The following RETREG1 variants were observed in gnomAD, a reference collection of about 807,000 sequenced individuals.
RETREG1 encodes the protein reticulophagy regulator 1, also known as family with sequence similarity 134 member B.
Under a neutral mutation model 54.8 loss-of-function variants are expected in RETREG1, and 44 were observed. The ratio of observed to expected loss-of-function variants is 0.80; its 90% CI spans 0.63 to 1.03. RETREG1 has a LOEUF of 1.03. Ranked by LOEUF, RETREG1 falls within the 50% of genes least tolerant of loss-of-function variation. The pLI is 0.00. For missense variants in RETREG1, 554 were observed against 605.1 expected, an observed-to-expected ratio of 0.92 and a Z score of 0.89; for synonymous variants, 217 against 238.5, an observed-to-expected ratio of 0.91 and a Z score of 0.83.
intron 8 of RETREG1, 42 bp downstream of exon 8, chr5:16,477,620 A>G (rs1738591338): frequency 1.9e-6 from 3 of 1,586,244 alleles, no homozygotes; most frequent in Non-Finnish European, 2.6e-6. Flanking sequence ...ATAGTTTTGT[A>G]TGCACTCATA....
chr5:16,615,412 A>AAAAAG (rs1554026582), intron 1 of RETREG1, among the ~76,000 whole-genome samples: 32 of 150,204 alleles, frequency 2.1e-4, no homozygotes, highest in African/African-American at 7.2e-4. Flanking sequence ...AAAAAAAAAA[A>AAAAAG]AAAGAAAGAA....
rs549222908 is a variant in RETREG1, at chr5:16,473,927, G to A, written c.*814C>T. The A allele has an allele frequency of 3.3e-4, 50 of 152,226 alleles. No homozygotes were observed. Among genetic ancestry groups the A allele is most frequent in the African/African-American group, 1.2e-3 (50 of 41,544 alleles). The allele number at this position is 152,226 out of a possible 1,614,324, so 9.4% of individuals were successfully genotyped here. A position where few individuals can be genotyped will look rare whatever the true frequency, so the allele number is the denominator to read the frequency against. ...TAAGGGTCTAACTTAAGTCTGAGCA[G>A]GCAGAATAGAGCTGTGCTCCCAACA... is the stretch of plus-strand genomic sequence containing the variant. On this transcript the variant is annotated 3_prime_UTR_variant, in exon 9 of 9. Coordinates refer to ENST00000306320, the MANE Select transcript of RETREG1 (RefSeq NM_001034850.3).
At chr5:16,590,103 A>G (rs1742719721) in intron 1 of RETREG1, among the ~76,000 whole-genome samples, 1 of 152,174 alleles carries the variant, frequency 6.6e-6, no homozygotes, top group Non-Finnish European at 1.5e-5. Context: ...AACATTCTAA[A>G]CTGAGAATGA....
chr5:16,556,202 A>C (rs1043644167), intron 3 of RETREG1, among the ~76,000 whole-genome samples: 1 of 149,890 alleles, frequency 6.7e-6, no homozygotes, highest in Non-Finnish European at 1.5e-5. Context: ...TCTGTCGCCC[A>C]GGCTTGAGTG....
intron 3 of RETREG1, among the ~76,000 whole-genome samples, chr5:16,492,229 T>TCA (rs879805653): frequency 6.6e-3 from 730 of 110,614 alleles, no homozygotes; most frequent in African/African-American, 0.013. Context: ...TCTCTCTCTC[T>TCA]CACACACACA....
At chr5:16,532,264 T>C (rs1470655934) in intron 3 of RETREG1, among the ~76,000 whole-genome samples, 3 of 152,168 alleles carry the variant, frequency 2.0e-5, no homozygotes, top group Non-Finnish European at 4.4e-5. Context: ...TGGTGGCTCA[T>C]GCCTGTAATC....
chr5:16,593,084 G>A lies in RETREG1; in HGVS notation c.321-20982C>T, dbSNP rs367633813. On this transcript the variant is annotated intron_variant, in intron 1 of 8. Transcript: ENST00000306320. This position sits in a 1 kb window ranked among gnomAD's most constrained non-coding sequence, Gnocchi z 4.9. ...AAATGTGGATTCTTTGACAAAAGGC[G>A]TTTGCTTCCTAAAGCTCGGCAAAGG... Among the ~76,000 whole-genome samples the A allele has an allele frequency of 2.6e-5, 4 of 152,088 alleles. No homozygotes were observed. Among genetic ancestry groups the A allele is most frequent in the Non-Finnish European group, 5.9e-5 (4 of 68,014 alleles).
At chr5:16,538,228 C>A (rs1396229638) in intron 3 of RETREG1, among the ~76,000 whole-genome samples, 2 of 152,006 alleles carry the variant, frequency 1.3e-5, no homozygotes, top group Non-Finnish European at 1.5e-5. Context: ...CCAAGCCGGT[C>A]GACATCAGGG....
intron 3 of RETREG1, among the ~76,000 whole-genome samples, chr5:16,529,878 C>T (rs1164743152): frequency 1.3e-5 from 2 of 152,148 alleles, no homozygotes; most frequent in African/African-American, 2.4e-5. Flanking sequence ...GGTCATCAGA[C>T]TAGTTTTCTT....
At chr5:16,538,592 G>A (rs1579662827) in intron 3 of RETREG1, among the ~76,000 whole-genome samples, 1 of 152,186 alleles carries the variant, frequency 6.6e-6, no homozygotes, top group South Asian at 2.1e-4. Context: ...CCTTAACCAC[G>A]ATGTCCCTGC....
intron 3 of RETREG1, among the ~76,000 whole-genome samples, chr5:16,553,507 A>G (rs887019002): frequency 1.3e-5 from 2 of 152,024 alleles, no homozygotes; most frequent in African/African-American, 4.8e-5. Flanking sequence ...CTTTGAATAT[A>G]TAAACATTTA....
intron 1 of RETREG1, among the ~76,000 whole-genome samples, chr5:16,614,115 G>A (rs1228574376): frequency 6.6e-6 from 1 of 152,182 alleles, no homozygotes; most frequent in African/African-American, 2.4e-5. Context: ...TGAATGGCTG[G>A]CCAATGTTTT....
At chr5:16,506,402 A>G (rs1579622916) in intron 3 of RETREG1, among the ~76,000 whole-genome samples, 2 of 152,078 alleles carry the variant, frequency 1.3e-5, no homozygotes, top group East Asian at 3.9e-4. Context: ...GCACCCAAAG[A>G]CTTGTCCAAT....
At chr5:16,554,204 A>C (rs1184754852) in intron 3 of RETREG1, among the ~76,000 whole-genome samples, 1 of 152,238 alleles carries the variant, frequency 6.6e-6, no homozygotes, top group Non-Finnish European at 1.5e-5. Context: ...TTGTGTCAAA[A>C]GACACTCGGC....
intron 1 of RETREG1, among the ~76,000 whole-genome samples, chr5:16,604,119 A>G (rs1407457886): frequency 1.3e-5 from 2 of 152,198 alleles, no homozygotes; most frequent in African/African-American, 4.8e-5. Flanking sequence ...TGATGGCTTG[A>G]TCTGAGAAAG....
chr5:16,574,551 T>TC (rs1742274300), intron 1 of RETREG1, among the ~76,000 whole-genome samples: 1 of 152,172 alleles, frequency 6.6e-6, no homozygotes, highest in African/African-American at 2.4e-5. Context: ...ACCCAAGCTC[T>TC]CACTGGTTCA....
intron 1 of RETREG1, among the ~76,000 whole-genome samples, chr5:16,577,837 C>G (rs966339838): frequency 6.6e-6 from 1 of 152,116 alleles, no homozygotes; most frequent in Non-Finnish European, 1.5e-5. Flanking sequence ...TTGCTTAGCT[C>G]TCATTCTCTC....
chr5:16,508,825 G>A, intron 3 of RETREG1: 1 of 1,435,488 alleles, frequency 7.0e-7, no homozygotes, highest in Admixed American at 2.8e-5. Context: ...TGCCTCCCTT[G>A]AATGAAGCTA....
chr5:16,563,017 T>C (rs79165318), intron 3 of RETREG1, among the ~76,000 whole-genome samples: 6 of 151,732 alleles, frequency 4.0e-5, no homozygotes, highest in African/African-American at 1.5e-4. Context: ...AGGTGGGGAG[T>C]GTATGGAAAG....
Sources: gnomAD v4.1 joint callset for allele counts (sites outside exome capture counted in the v4.1 genomes callset) on GRCh38, gnomAD v4.1.1 for gene constraint, Gnocchi (gnomAD v3.1) non-coding constraint, MANE v1.5 for transcripts, NCBI Gene and HGNC (gene_info 2026-07-23, HGNC 2026-07-21) for gene names.